The following TMTC2 variants were observed in gnomAD, a reference collection of about 807,000 sequenced individuals.
TMTC2 encodes protein O-mannosyl-transferase TMTC2.
In TMTC2, 43 loss-of-function variants were observed where a neutral mutation model predicts 82.4. The observed-to-expected ratio is 0.52, with a 90% CI of 0.41 to 0.67. TMTC2 has a LOEUF of 0.67. TMTC2 is among the 30% of genes least tolerant of loss of function. The pLI is 0.00. For missense variants in TMTC2, 919 were observed against 1,012.4 expected (o/e 0.91, Z 1.25); for synonymous variants, 408 against 381.9 (o/e 1.07, Z -0.80).
intron 4 of TMTC2, among the ~76,000 whole-genome samples, chr12:82,935,438 A>C (rs1208505033): frequency 1.3e-5 from 2 of 152,134 alleles, no homozygotes; most frequent in African/African-American, 2.4e-5. Flanking sequence ...TTGCATTATG[A>C]TGTTGATTTG....
intron 9 of TMTC2, among the ~76,000 whole-genome samples, chr12:83,032,524 A>G (rs955844865): frequency 6.6e-6 from 1 of 151,572 alleles, no homozygotes; most frequent in Non-Finnish European, 1.5e-5. Flanking sequence ...GGATTTAAAC[A>G]GAAAGTTCTA....
chr12:82,877,432 T>C (rs1051087835), intron 2 of TMTC2, among the ~76,000 whole-genome samples: 2 of 152,156 alleles, frequency 1.3e-5, no homozygotes, highest in Non-Finnish European at 2.9e-5. Context: ...GCTTACCTCC[T>C]AAAGACCCCA....
intron 1 of TMTC2, chr12:82,759,212 T>G (rs1301327598): frequency 6.6e-6 from 1 of 152,216 alleles, no homozygotes; most frequent in African/African-American, 2.4e-5. Context: ...TTTGAACATT[T>G]AAATGAAGAG....
chr12:82,697,093 C>T (rs1315693499), intron 1 of TMTC2, among the ~76,000 whole-genome samples: 1 of 151,390 alleles, frequency 6.6e-6, no homozygotes, highest in Non-Finnish European at 1.5e-5. Context: ...TGCCTGTAAT[C>T]CCAGTACTTT....
At chr12:83,068,598 C>T (rs557154131) in intron 11 of TMTC2, among the ~76,000 whole-genome samples, 2 of 152,246 alleles carry the variant, frequency 1.3e-5, no homozygotes, top group South Asian at 2.1e-4. Context: ...ATGTGGATCC[C>T]ACAATCACCA....
intron 3 of TMTC2, among the ~76,000 whole-genome samples, chr12:82,914,006 G>A (rs1407215054): frequency 6.6e-6 from 1 of 152,040 alleles, no homozygotes; most frequent in Non-Finnish European, 1.5e-5. Context: ...GTAGAACCAG[G>A]CAGTTCAAAC....
intron 1 of TMTC2, among the ~76,000 whole-genome samples, chr12:82,837,956 C>T (rs1019440061): frequency 1.3e-5 from 2 of 152,256 alleles, no homozygotes; most frequent in African/African-American, 4.8e-5. Context: ...CATAATTTTG[C>T]TACTTGCTGT....
chr12:82,704,635 A>G (rs1398757044), intron 1 of TMTC2, among the ~76,000 whole-genome samples: 1 of 150,614 alleles, frequency 6.6e-6, no homozygotes, highest in Non-Finnish European at 1.5e-5. Context: ...AAACTAATGA[A>G]TCTTTTTTTT....
intron 8 of TMTC2, among the ~76,000 whole-genome samples, chr12:83,021,646 T>G (rs10862546): frequency 0.59 from 89,809 of 151,790 alleles, 27,104 homozygotes; most frequent in South Asian, 0.73. Flanking sequence ...TCTTTTTCCA[T>G]TATATCCACA....
chr12:82,775,036 C>T (rs886105978), intron 1 of TMTC2, among the ~76,000 whole-genome samples: 1 of 152,012 alleles, frequency 6.6e-6, no homozygotes, highest in African/African-American at 2.4e-5. Flanking sequence ...ATTGGTAAGA[C>T]ACCAAAATGT....
chr12:83,021,251 A>G (rs1050058793), intron 8 of TMTC2, among the ~76,000 whole-genome samples: 2 of 151,982 alleles, frequency 1.3e-5, no homozygotes, highest in South Asian at 2.1e-4. Context: ...TTCTCGGCCT[A>G]TGGCACCCTA....
At chr12:82,931,978 A>C (rs1876057856) in intron 4 of TMTC2, among the ~76,000 whole-genome samples, 2 of 152,148 alleles carry the variant, frequency 1.3e-5, no homozygotes, top group South Asian at 4.1e-4. Context: ...ACAGTTCTCT[A>C]TAGGAAGATG....
At chr12:83,068,641 C>G (rs1883003530) in intron 11 of TMTC2, among the ~76,000 whole-genome samples, 1 of 152,128 alleles carries the variant, frequency 6.6e-6, no homozygotes. Flanking sequence ...TGTTTTAATA[C>G]TGCACATATA....
At chr12:82,716,369 T>TA (rs1873898668) in intron 1 of TMTC2, among the ~76,000 whole-genome samples, 1 of 150,864 alleles carries the variant, frequency 6.6e-6, no homozygotes, top group Admixed American at 6.6e-5. Context: ...ACATTTTTTT[T>TA]TTTTTTTTTT....
intron 2 of TMTC2, among the ~76,000 whole-genome samples, chr12:82,867,238 G>A (rs1160226874): frequency 6.6e-6 from 1 of 152,152 alleles, no homozygotes; most frequent in Non-Finnish European, 1.5e-5. Flanking sequence ...AGTAATTATG[G>A]TCTTGATTAG....
rs535588839 is a variant in TMTC2 at position 83,027,776 on chromosome 12, A to G, written c.2071-3022A>G. Among the ~76,000 whole-genome samples, 19 of 152,304 alleles carry G rather than the reference A, an allele frequency of 1.2e-4. No homozygotes were observed. The South Asian group carries it at 3.9e-3, about 32-fold the overall frequency. Reference sequence around the variant, plus strand: ...TCTAGGAAAGCATGAGACTCATTGCATTTAAAAATTTGGTCCACTGAGCAA... The same window carrying G: ...TCTAGGAAAGCATGAGACTCATTGCGTTTAAAAATTTGGTCCACTGAGCAA... On this transcript the variant is annotated intron_variant, in intron 8 of 11. Coordinates refer to ENST00000321196, the MANE Select transcript of TMTC2 (RefSeq NM_152588.3).
chr12:82,745,061 A>G (rs770437584), intron 1 of TMTC2, among the ~76,000 whole-genome samples: 9 of 152,124 alleles, frequency 5.9e-5, no homozygotes, highest in Non-Finnish European at 1.2e-4. Flanking sequence ...TCCTCAGAAT[A>G]TAAATCCTTG....
chr12:82,803,725 A>G (rs1879117550), intron 1 of TMTC2, among the ~76,000 whole-genome samples: 3 of 152,100 alleles, frequency 2.0e-5, no homozygotes, highest in Admixed American at 6.5e-5. Flanking sequence ...GCATGCAGGC[A>G]GCCCACCCCA....
At position 82,805,502 on chromosome 12, in the gene TMTC2, T is replaced by TA. The variant is rs1879201140; in HGVS notation, c.84-51508_84-51507insA. The stretch of plus-strand genomic sequence containing the variant: ...AGTTTACTCTCCTCTCCCCACTTTT[T>TA]TTTTTTTTTTTTTTTTTTTTTTTGA... On this transcript the variant is annotated intron_variant, in intron 1 of 11. Transcript: ENST00000321196. 3.8e-5 allele frequency among the ~76,000 whole-genome samples: 4 copies of TA among 104,056 alleles called. No individual in the cohort carries two copies. The South Asian group carries it at 1.3e-3, about 33-fold the overall frequency. The allele number at this position is 104,056 out of a possible 152,430, so 68.3% of individuals were successfully genotyped here.
Sources: gnomAD v4.1 joint callset for allele counts (sites outside exome capture counted in the v4.1 genomes callset) on GRCh38, gnomAD v4.1.1 for gene constraint, MANE v1.5 for transcripts, NCBI Gene and HGNC (gene_info 2026-07-23, HGNC 2026-07-21) for gene names.